Variants in KCNB2 observed in about 807,000 individuals in gnomAD.
The protein encoded by KCNB2 is potassium voltage-gated channel subfamily B member 2.
A neutral mutation model predicts 61.5 loss-of-function variants in KCNB2; 15 were observed. The ratio of observed to expected loss-of-function variants is 0.24; its 90% confidence interval spans 0.16 to 0.38. KCNB2 has a LOEUF of 0.38. KCNB2 is among the 10% of genes least tolerant of loss of function. The pLI is 1.00. For missense variants in KCNB2, 828 were observed against 1,125.2 expected (o/e 0.74, Z 3.78); for synonymous variants, 457 against 446.0 (o/e 1.02, Z -0.31).
chr8:72,643,966 A>G (rs1806092034), intron 2 of KCNB2, among the ~76,000 whole-genome samples: 1 of 152,142 alleles, frequency 6.6e-6, no homozygotes, highest in Non-Finnish European at 1.5e-5. Flanking sequence ...AATCAAAGGA[A>G]ATAACTTTTG....
chr8:72,622,228 G>T (rs763205865), intron 2 of KCNB2, among the ~76,000 whole-genome samples: 6 of 152,088 alleles, frequency 3.9e-5, no homozygotes, highest in Admixed American at 6.6e-5. Flanking sequence ...CAAAATGTTT[G>T]CATAGTTTCA....
At chr8:72,766,336 G>A (rs1038458917) in intron 2 of KCNB2, among the ~76,000 whole-genome samples, 4 of 152,190 alleles carry the variant, frequency 2.6e-5, no homozygotes, top group Non-Finnish European at 5.9e-5. Flanking sequence ...GATAGCCTAT[G>A]AACAAACTCT....
chr8:72,651,376 A>G lies in KCNB2; in HGVS notation c.579+83063A>G, dbSNP rs112127943. 3.0e-3 allele frequency among the ~76,000 whole-genome samples: 457 copies of G among 152,288 alleles called. 2 individuals are homozygous for G. Among genetic ancestry groups the G allele is most frequent in the African/African-American group, 0.01 (435 of 41,564 alleles). On this transcript the variant is annotated intron_variant, in intron 2 of 2. Transcript: ENST00000523207. ...GCAATTTTGTCTTGGGAATTCTTTC[A>G]AAAGTTGCATTTCAATTAAGATGGT...
chr8:72,679,815 T>C (rs1323537768), intron 2 of KCNB2, among the ~76,000 whole-genome samples: 1 of 152,186 alleles, frequency 6.6e-6, no homozygotes, highest in Non-Finnish European at 1.5e-5. Flanking sequence ...TGACCATCCT[T>C]GTTAGATGTG....
chr8:72,641,160 G>A (rs982628250), intron 2 of KCNB2, among the ~76,000 whole-genome samples: 4 of 151,942 alleles, frequency 2.6e-5, no homozygotes, highest in Admixed American at 6.6e-5. Flanking sequence ...AAATTTTACT[G>A]GATGGAAAAT....
At chr8:72,711,313 CA>C (rs1807322139) in intron 2 of KCNB2, among the ~76,000 whole-genome samples, 1 of 152,190 alleles carries the variant, frequency 6.6e-6, no homozygotes, top group African/African-American at 2.4e-5. Flanking sequence ...CAAATACTCC[CA>C]AGAGCCAGAA....
At chr8:72,610,041 A>G (rs1436189762) in intron 2 of KCNB2, among the ~76,000 whole-genome samples, 1 of 152,188 alleles carries the variant, frequency 6.6e-6, no homozygotes, top group Non-Finnish European at 1.5e-5. Context: ...TCTAAAGTGT[A>G]ATCACTTAAT....
chr8:72,872,242 C>T (rs1177817913), intron 2 of KCNB2, among the ~76,000 whole-genome samples: 1 of 152,230 alleles, frequency 6.6e-6, no homozygotes, highest in Admixed American at 6.5e-5. Flanking sequence ...TATAAATTGG[C>T]ATCTCAGCAG....
chr8:72,685,351 C>T (rs1471132892), intron 2 of KCNB2, among the ~76,000 whole-genome samples: 1 of 151,932 alleles, frequency 6.6e-6, no homozygotes. Flanking sequence ...TTCATAAGGA[C>T]TTGGGCAGTG....
chr8:72,821,965 A>G (rs556968342), intron 2 of KCNB2, among the ~76,000 whole-genome samples: 1 of 152,152 alleles, frequency 6.6e-6, no homozygotes, highest in East Asian at 1.9e-4. Context: ...CCACCTCAAT[A>G]TATCTTACCC....
chr8:72,745,254 G>A (rs1808039049), intron 2 of KCNB2, among the ~76,000 whole-genome samples: 1 of 152,188 alleles, frequency 6.6e-6, no homozygotes, highest in Non-Finnish European at 1.5e-5. Flanking sequence ...TTAATTAGGA[G>A]AGAAGGAATG....
intron 2 of KCNB2, among the ~76,000 whole-genome samples, chr8:72,734,607 A>G (rs1029287414): frequency 6.6e-6 from 1 of 152,186 alleles, no homozygotes; most frequent in Non-Finnish European, 1.5e-5. Context: ...GTCTCTGGTA[A>G]CCATGAATGA....
At chr8:72,839,879 C>T (rs1244719375) in intron 2 of KCNB2, among the ~76,000 whole-genome samples, 5 of 151,394 alleles carry the variant, frequency 3.3e-5, no homozygotes, top group African/African-American at 4.9e-5. Flanking sequence ...TCCCAAAGTG[C>T]TGGGATTACA....
chr8:72,843,256 T>C (rs1044323120), intron 2 of KCNB2, among the ~76,000 whole-genome samples: 2 of 152,222 alleles, frequency 1.3e-5, no homozygotes, highest in African/African-American at 4.8e-5. Flanking sequence ...TTGAGTGAGT[T>C]TCATAATCCT....
chr8:72,854,154 C>T (rs138709056), intron 2 of KCNB2, among the ~76,000 whole-genome samples: 1 of 152,216 alleles, frequency 6.6e-6, no homozygotes, highest in Non-Finnish European at 1.5e-5. Flanking sequence ...CTGGACTAGT[C>T]AAACCTAGTC....
intron 2 of KCNB2, among the ~76,000 whole-genome samples, chr8:72,926,159 T>G (rs1806643565): frequency 6.6e-6 from 1 of 152,150 alleles, no homozygotes; most frequent in Non-Finnish European, 1.5e-5. Context: ...GCTCAATACC[T>G]AGGTGATGGG....
At chr8:72,552,464 T>C (rs904855235) in intron 1 of KCNB2, among the ~76,000 whole-genome samples, 7 of 152,228 alleles carry the variant, frequency 4.6e-5, no homozygotes, top group Non-Finnish European at 7.3e-5. Context: ...GTGATTTATG[T>C]TGAAATAGCC....
rs1452666258 is a variant in KCNB2, at chr8:72,537,901, A to G, written c.-94+16A>G. Reference sequence around the variant, plus strand: ...TGGGAGCTAGGTAAGTGGCGGGGGCATTGCTGCTCCCCGAAGGGGGTCTTC... The same window carrying G: ...TGGGAGCTAGGTAAGTGGCGGGGGCGTTGCTGCTCCCCGAAGGGGGTCTTC... On this transcript the variant is annotated intron_variant, in intron 1 of 2. Coordinates refer to ENST00000523207, the MANE Select transcript of KCNB2 (RefSeq NM_004770.3). 3 of 152,310 alleles carry G rather than the reference A, an allele frequency of 2.0e-5. No homozygotes were observed. The highest frequency in any genetic ancestry group is 2.1e-4 in the South Asian group (1 of 4,832). The allele number at this position is 152,310 out of a possible 1,614,324, so 9.4% of individuals were successfully genotyped here. A position where few individuals can be genotyped will look rare whatever the true frequency, so the allele number is the denominator to read the frequency against.
At chr8:72,620,996 T>A (rs1365224710) in intron 2 of KCNB2, among the ~76,000 whole-genome samples, 3 of 152,228 alleles carry the variant, frequency 2.0e-5, no homozygotes. Flanking sequence ...TTTGTCTTTC[T>A]GAGAATTTTT....
Sources: allele counts gnomAD v4.1 joint callset (sites outside exome capture counted in the v4.1 genomes callset), GRCh38; gene constraint gnomAD v4.1.1; transcripts MANE v1.5; gene names NCBI Gene and HGNC (gene_info 2026-07-23, HGNC 2026-07-21).